The following CSMD1 variants were observed in gnomAD, a reference collection of about 807,000 sequenced individuals.
CSMD1 encodes the protein CUB and Sushi multiple domains 1, also known as CUB and sushi domain-containing protein 1.
CSMD1 carries 213 observed loss-of-function variants against 417.5 expected under a neutral mutation model. The ratio of observed to expected loss-of-function variants is 0.51; its 90% CI spans 0.46 to 0.57. The LOEUF (loss-of-function observed/expected upper bound fraction) is 0.57, where lower values mean the gene tolerates loss of function less well. Ranked by LOEUF, CSMD1 falls within the 20% of genes least tolerant of loss-of-function variation. The probability of loss-of-function intolerance (pLI) is 0.00; values close to 1 mark genes in which losing one functional copy is unlikely to be tolerated. For synonymous variants in CSMD1, 2,862 were observed against 1,736.8 expected (o/e 1.65, Z -16.11); for missense variants, 6,923 against 4,529.7 (o/e 1.53, Z -15.17).
intron 11 of CSMD1, among the ~76,000 whole-genome samples, chr8:3,470,743 T>C (rs7461469): frequency 0.76 from 115,251 of 152,066 alleles, 44,121 homozygotes; most frequent in African/African-American, 0.87. Flanking sequence ...CTAAATTATT[T>C]ATTTAAAAAA....
chr8:3,121,114 CAT>C (rs1351075600), intron 41 of CSMD1, among the ~76,000 whole-genome samples: 1 of 151,956 alleles, frequency 6.6e-6, no homozygotes. Context: ...GGGAGAGACT[CAT>C]AAATGCCAGT....
intron 3 of CSMD1, among the ~76,000 whole-genome samples, chr8:4,321,085 T>C (rs1799248411): frequency 6.6e-6 from 1 of 152,166 alleles, no homozygotes; most frequent in East Asian, 1.9e-4. Flanking sequence ...GTCATACGCT[T>C]ATATTGAGTT....
chr8:3,483,244 G>T (rs1004054258), intron 11 of CSMD1, among the ~76,000 whole-genome samples: 1 of 151,964 alleles, frequency 6.6e-6, no homozygotes, highest in Non-Finnish European at 1.5e-5. Flanking sequence ...CAGAAAAAGA[G>T]AAAGGGAGAG....
chr8:3,284,535 G>T (rs1802999719), intron 25 of CSMD1, 189 bp from the exon 26 acceptor site: 2 of 592,320 alleles, frequency 3.4e-6, no homozygotes, highest in East Asian at 2.9e-5. Flanking sequence ...TGTAAATTAG[G>T]ATAAAGCACA....
At chr8:3,558,134 C>T (rs1179427171) in intron 10 of CSMD1, among the ~76,000 whole-genome samples, 4 of 150,086 alleles carry the variant, frequency 2.7e-5, no homozygotes, top group Non-Finnish European at 5.9e-5. Context: ...ACCCCGTGTC[C>T]ACTCCTCCAA....
At chr8:3,462,839 C>A (rs1816592829) in intron 12 of CSMD1, among the ~76,000 whole-genome samples, 1 of 152,150 alleles carries the variant, frequency 6.6e-6, no homozygotes, top group Non-Finnish European at 1.5e-5. Context: ...TGTGTCCCTC[C>A]AAATTCCTAA....
intron 37 of CSMD1, among the ~76,000 whole-genome samples, chr8:3,175,475 C>CCTTTCCTTCCTT (rs1554451319): frequency 4.5e-5 from 6 of 132,470 alleles, no homozygotes; most frequent in Non-Finnish European, 7.9e-5. Flanking sequence ...TCCTTCTTTT[C>CCTTTCCTTCCTT]CCTTCCTTCC....
chr8:3,939,268 A>G (rs190418999), intron 5 of CSMD1, among the ~76,000 whole-genome samples: 7 of 152,304 alleles, frequency 4.6e-5, no homozygotes, highest in African/African-American at 1.4e-4. Flanking sequence ...AATGCTCAAC[A>G]TCATTAATTA....
chr8:4,480,735 T>C (rs531361101), intron 2 of CSMD1, among the ~76,000 whole-genome samples: 1 of 152,320 alleles, frequency 6.6e-6, no homozygotes, highest in African/African-American at 2.4e-5. Flanking sequence ...ATCCACTTTT[T>C]TGAGGTTTCA....
chr8:3,489,035 A>G (rs900685974), intron 11 of CSMD1, among the ~76,000 whole-genome samples: 1 of 152,224 alleles, frequency 6.6e-6, no homozygotes, highest in African/African-American at 2.4e-5. Flanking sequence ...ACTCTGTGAT[A>G]ACATTAAAGA....
chr8:4,196,437 T>C (rs1171096120), intron 3 of CSMD1, among the ~76,000 whole-genome samples: 1 of 152,180 alleles, frequency 6.6e-6, no homozygotes. Context: ...CAGTCCTTTC[T>C]GAAGCCTCTT....
At chr8:4,750,953 T>C (rs1301252763) in intron 1 of CSMD1, among the ~76,000 whole-genome samples, 1 of 152,200 alleles carries the variant, frequency 6.6e-6, no homozygotes, top group African/African-American at 2.4e-5. Context: ...CTTACAGCCA[T>C]GTCTGTATTG....
chr8:3,698,630 C>G (rs993189896), intron 7 of CSMD1, among the ~76,000 whole-genome samples: 2 of 152,174 alleles, frequency 1.3e-5, no homozygotes, highest in African/African-American at 4.8e-5. Flanking sequence ...TCCCTAAAAG[C>G]AAGACCTGAT....
At chr8:3,523,607 G>T (rs1310632379) in intron 10 of CSMD1, among the ~76,000 whole-genome samples, 4 of 150,360 alleles carry the variant, frequency 2.7e-5, no homozygotes, top group Non-Finnish European at 5.9e-5. Flanking sequence ...ACATGTGCAT[G>T]TACACACACA....
At chr8:4,518,042 C>T (rs1803219235) in intron 2 of CSMD1, among the ~76,000 whole-genome samples, 1 of 152,122 alleles carries the variant, frequency 6.6e-6, no homozygotes, top group South Asian at 2.1e-4. Flanking sequence ...AAATACTGCA[C>T]AGCTCACGGA....
intron 2 of CSMD1, among the ~76,000 whole-genome samples, chr8:4,528,992 G>C (rs1018509386): frequency 6.6e-6 from 1 of 152,106 alleles, no homozygotes. Flanking sequence ...ATTAACAAAA[G>C]GTGACGTTTG....
intron 4 of CSMD1, among the ~76,000 whole-genome samples, chr8:4,002,832 C>A (rs1035442178): frequency 6.6e-6 from 1 of 152,086 alleles, no homozygotes; most frequent in Non-Finnish European, 1.5e-5. Flanking sequence ...TACAAAATAC[C>A]TGTTACACAA....
rs1038458286 is a variant in CSMD1, at chr8:3,406,038, G to T, written c.2255C>A (p.Pro752His). The change falls in exon 15 of 70, where the codon CCC becomes CAC. Residue 752 changes from proline (P) to histidine (H), a missense_variant. Coordinates refer to ENST00000635120, the MANE Select transcript of CSMD1 (RefSeq NM_033225.6). ...DGNVVWSSTVPRCEAPCGGHL... is the reference protein window; with the variant it reads ...DGNVVWSSTVHRCEAPCGGHL... ...GGCAGGGACTGCACCTTCACAGCGG[G>T]GCACGGTGGAGCTCCAGACCACGTT... 5.6e-6 allele frequency: 9 copies of T among 1,613,696 alleles called. No individual in the cohort carries two copies. Among genetic ancestry groups the T allele is most frequent in the African/African-American group, 1.3e-5 (1 of 74,902 alleles).
At chr8:3,111,663 C>G (rs759490679) in intron 42 of CSMD1, among the ~76,000 whole-genome samples, 1 of 152,054 alleles carries the variant, frequency 6.6e-6, no homozygotes, top group African/African-American at 2.4e-5. Context: ...GAAACCCTAA[C>G]TCTACTAAAA....
Sources: gnomAD v4.1 joint callset for allele counts (sites outside exome capture counted in the v4.1 genomes callset) on GRCh38, gnomAD v4.1.1 for gene constraint, MANE v1.5 for transcripts, NCBI Gene and HGNC (gene_info 2026-07-23, HGNC 2026-07-21) for gene names.